DAW1: variants seen among roughly 807,000 people sequenced by gnomAD.
DAW1 encodes dynein assembly factor with WD repeat domains 1.
DAW1 carries 47 observed loss-of-function variants against 56.5 expected under a neutral mutation model. That is an observed-to-expected ratio of 0.83 (90% CI 0.66 to 1.06). The LOEUF (loss-of-function observed/expected upper bound fraction) is 1.06. Ranked by LOEUF, DAW1 falls within the 50% of genes least tolerant of loss-of-function variation. The probability of loss-of-function intolerance (pLI) is 0.00; values close to 1 mark genes in which losing one functional copy is unlikely to be tolerated. For synonymous variants in DAW1, 190 were observed against 179.0 expected (o/e 1.06, Z -0.49); for missense variants, 505 against 499.3 (o/e 1.01, Z -0.11).
chr2:227,879,061 C>T (rs535655453), intron 1 of DAW1, among the ~76,000 whole-genome samples: 5 of 152,236 alleles, frequency 3.3e-5, no homozygotes, highest in Admixed American at 6.5e-5. Flanking sequence ...ACTGGAATTA[C>T]AGGCATGAGC....
At chr2:227,919,426 G>T (rs1692054605) in intron 11 of DAW1, among the ~76,000 whole-genome samples, 1 of 152,076 alleles carries the variant, frequency 6.6e-6, no homozygotes, top group African/African-American at 2.4e-5. Flanking sequence ...AAAAGATTTA[G>T]TTAGCTGAAG....
chr2:227,894,891 G>A (rs188148692), intron 5 of DAW1, among the ~76,000 whole-genome samples: 40 of 152,262 alleles, frequency 2.6e-4, no homozygotes, highest in African/African-American at 7.9e-4. Context: ...CAACCAATGC[G>A]CTTATGTTGG....
At chr2:227,908,812 G>A (rs1003821970) in intron 10 of DAW1, among the ~76,000 whole-genome samples, 9 of 152,018 alleles carry the variant, frequency 5.9e-5, no homozygotes, top group South Asian at 2.1e-4. Context: ...ATGTCATATC[G>A]ACATCACATA....
intron 10 of DAW1, among the ~76,000 whole-genome samples, chr2:227,907,951 C>G (rs544453263): frequency 6.6e-6 from 1 of 152,348 alleles, no homozygotes; most frequent in South Asian, 2.1e-4. Context: ...TGCTGTTCCG[C>G]TATGTCTACT....
At chr2:227,912,175 C>T in intron 10 of DAW1, 3 of 368,042 alleles carry the variant, frequency 8.2e-6, no homozygotes, top group South Asian at 4.1e-5. Context: ...TTACATTCTG[C>T]CTCATCTCCA....
intron 4 of DAW1, among the ~76,000 whole-genome samples, chr2:227,891,718 T>C (rs1224843217): frequency 1.3e-5 from 2 of 152,206 alleles, no homozygotes; most frequent in East Asian, 1.9e-4. Flanking sequence ...GCTTGGGAGC[T>C]GACGTGCTAG....
At chr2:227,914,852 A>G (rs138438904) in intron 10 of DAW1, among the ~76,000 whole-genome samples, 533 of 152,210 alleles carry the variant, frequency 3.5e-3, no homozygotes, top group African/African-American at 0.012. Context: ...CCTTTTAATC[A>G]CATGATATGT....
At chr2:227,913,191 G>T (rs1666997711) in intron 10 of DAW1, among the ~76,000 whole-genome samples, 2 of 152,106 alleles carry the variant, frequency 1.3e-5, no homozygotes, top group African/African-American at 4.8e-5. Flanking sequence ...GATGATTTGT[G>T]ACACTATCCT....
chr2:227,884,734 C>T (rs537990585), intron 1 of DAW1, among the ~76,000 whole-genome samples: 2 of 152,230 alleles, frequency 1.3e-5, no homozygotes, highest in South Asian at 4.1e-4. Context: ...TGCCTCAGTG[C>T]CTGGTTGTGG....
At chr2:227,911,067 T>C (rs1252568979) in intron 10 of DAW1, among the ~76,000 whole-genome samples, 2 of 152,038 alleles carry the variant, frequency 1.3e-5, no homozygotes, top group Non-Finnish European at 2.9e-5. Flanking sequence ...ATACTATTTT[T>C]TGAGCCATAT....
At chr2:227,909,004 T>C (rs1691753340) in intron 10 of DAW1, among the ~76,000 whole-genome samples, 1 of 152,236 alleles carries the variant, frequency 6.6e-6, no homozygotes, top group Non-Finnish European at 1.5e-5. Context: ...ATCTATGTCA[T>C]GTATCTGACT....
Position 227,893,721 on chromosome 2 carries a change from T to A in DAW1, c.318-74T>A, listed in dbSNP as rs141778037. ...AGCATAATAAATAGAGTTATTATCC[T>A]ACAGGTAAAACATGAAGTCTTTATT... is the stretch of plus-strand genomic sequence containing the variant. On this transcript the variant is annotated intron_variant, in intron 4 of 12. Coordinates refer to ENST00000309931, the MANE Select transcript of DAW1 (RefSeq NM_178821.3). 380 of 1,539,766 alleles carry A rather than the reference T, an allele frequency of 2.5e-4. 1 individual carries two copies. Among genetic ancestry groups the A allele is most frequent in the Non-Finnish European group, 3.1e-4 (355 of 1,146,504 alleles).
chr2:227,914,248 G>A (rs1691898831), intron 10 of DAW1, among the ~76,000 whole-genome samples: 1 of 151,780 alleles, frequency 6.6e-6, no homozygotes, highest in South Asian at 2.1e-4. Flanking sequence ...TATATTTTGG[G>A]TCATTTCTCT....
At chr2:227,893,962 A>G in intron 5 of DAW1, 45 bp downstream of exon 5, 1 of 1,495,064 alleles carries the variant, frequency 6.7e-7, no homozygotes. Flanking sequence ...TCATTTATTC[A>G]TCCCTCCATC....
intron 3 of DAW1, 38 bp downstream of exon 3, chr2:227,890,038 G>T: frequency 2.0e-6 from 3 of 1,469,472 alleles, no homozygotes; most frequent in Non-Finnish European, 2.7e-6. Context: ...AAGAATTTCA[G>T]TGAAATGATT....
intron 2 of DAW1, among the ~76,000 whole-genome samples, chr2:227,886,398 C>G (rs946639259): frequency 6.6e-6 from 1 of 152,126 alleles, no homozygotes; most frequent in Non-Finnish European, 1.5e-5. Flanking sequence ...AGCAGGGTCA[C>G]TTGAGGTCAG....
chr2:227,876,924 A>G lies in DAW1; in HGVS notation c.40+5195A>G, dbSNP rs192178146. 7.9e-5 allele frequency among the ~76,000 whole-genome samples: 12 copies of G among 152,356 alleles called. No homozygotes were observed. The East Asian group carries it at 2.1e-3, about 27-fold the overall frequency. On this transcript the variant is annotated intron_variant, in intron 1 of 12. Transcript: ENST00000309931. ...AGGAGAAGGAATTAAGTCAACATTA[A>G]CTAAACTAGTTAACATTCTGAGCAT...
chr2:227,886,952 C>A (rs139933153), intron 2 of DAW1, among the ~76,000 whole-genome samples: 1 of 152,126 alleles, frequency 6.6e-6, no homozygotes, highest in Admixed American at 6.5e-5. Flanking sequence ...GGCCTGAGAC[C>A]GTAAGCAAAA....
At chr2:227,908,914 A>G (rs903797338) in intron 10 of DAW1, among the ~76,000 whole-genome samples, 1 of 152,188 alleles carries the variant, frequency 6.6e-6, no homozygotes, top group African/African-American at 2.4e-5. Context: ...AACTACATCG[A>G]TACCATCTAC....
Sources: allele counts gnomAD v4.1 joint callset (sites outside exome capture counted in the v4.1 genomes callset), GRCh38; gene constraint gnomAD v4.1.1; transcripts MANE v1.5; gene names NCBI Gene and HGNC (gene_info 2026-07-23, HGNC 2026-07-21).